NTM: variants seen among roughly 807,000 people sequenced by gnomAD.
The protein encoded by NTM is IgLON family member 2.
A neutral mutation model predicts 42.1 loss-of-function variants in NTM; 13 were observed. The ratio of observed to expected loss-of-function variants is 0.31; its 90% CI spans 0.20 to 0.49. The LOEUF is 0.49. NTM is among the 20% of genes least tolerant of loss of function. The probability of loss-of-function intolerance (pLI) is 0.99; values close to 1 mark genes in which losing one functional copy is unlikely to be tolerated. For synonymous variants in NTM, 187 were observed against 179.2 expected (o/e 1.04, Z -0.35); for missense variants, 373 against 452.8 (o/e 0.82, Z 1.60).
At chr11:132,297,255 C>T (rs2094647273) in intron 4 of NTM, among the ~76,000 whole-genome samples, 1 of 152,198 alleles carries the variant, frequency 6.6e-6, no homozygotes, top group African/African-American at 2.4e-5. Context: ...AGATTTGACC[C>T]CACCCCAGGT....
At chr11:132,283,274 C>T (rs61009836) in intron 4 of NTM, among the ~76,000 whole-genome samples, 16,857 of 152,068 alleles carry the variant, frequency 0.11, 1,172 homozygotes, top group African/African-American at 0.2. Flanking sequence ...CATGAGCCAC[C>T]GCTCCGGGTC....
At chr11:131,791,079 A>G (rs2090862391) in intron 1 of NTM, among the ~76,000 whole-genome samples, 1 of 152,216 alleles carries the variant, frequency 6.6e-6, no homozygotes, top group Non-Finnish European at 1.5e-5. Flanking sequence ...TGCGGTGCCT[A>G]TGTGTACAAG....
intron 1 of NTM, among the ~76,000 whole-genome samples, chr11:131,508,898 G>C (rs898674616): frequency 7.0e-6 from 1 of 143,482 alleles, no homozygotes; most frequent in Admixed American, 7.0e-5. Context: ...GGTTGGGGGA[G>C]GGGGGAGGGA....
At chr11:132,317,199 C>A (rs541028294) in intron 7 of NTM, among the ~76,000 whole-genome samples, 4 of 152,204 alleles carry the variant, frequency 2.6e-5, no homozygotes, top group Non-Finnish European at 4.4e-5. Flanking sequence ...TGCTCCCGCA[C>A]TCCTGAATCA....
At chr11:131,906,421 C>T (rs1277262209) in intron 1 of NTM, among the ~76,000 whole-genome samples, 2 of 152,116 alleles carry the variant, frequency 1.3e-5, no homozygotes, top group African/African-American at 4.8e-5. Flanking sequence ...ACTCCTCCTC[C>T]TTCCTGGGGC....
In NTM at chr11:131,941,728, C is replaced by T. The variant is rs373004270; in HGVS notation, c.167+30080C>T. Among the ~76,000 whole-genome samples, 81 of 152,288 alleles carry T rather than the reference C, an allele frequency of 5.3e-4. No individual in the cohort carries two copies. The South Asian group carries it at 0.015, about 28-fold the overall frequency. ...TAACACAGCTCAGTAAAAATGGACT[C>T]TTGTTATTATTGGGTAACAGATATT... is the stretch of plus-strand genomic sequence containing the variant. On this transcript the variant is annotated intron_variant, in intron 2 of 8. Coordinates refer to ENST00000683400, the MANE Select transcript of NTM (RefSeq NM_001352005.2).
At chr11:131,756,419 G>T (rs371226231) in intron 1 of NTM, among the ~76,000 whole-genome samples, 5 of 152,056 alleles carry the variant, frequency 3.3e-5, no homozygotes, top group East Asian at 1.9e-4. Context: ...CCTTGTCTGG[G>T]AGGCTGAGGC....
chr11:132,147,762 C>A (rs1322489578), intron 3 of NTM, among the ~76,000 whole-genome samples: 1 of 152,104 alleles, frequency 6.6e-6, no homozygotes, highest in Admixed American at 6.5e-5. Flanking sequence ...CTCCTAGGGG[C>A]TCCTTCCACC....
intron 1 of NTM, among the ~76,000 whole-genome samples, chr11:131,762,178 G>T (rs1007057776): frequency 6.6e-6 from 1 of 152,232 alleles, no homozygotes; most frequent in African/African-American, 2.4e-5. Flanking sequence ...AGCGCCTCAG[G>T]AGCGCCCTCT....
At chr11:131,466,100 G>C (rs946335753) in intron 1 of NTM, among the ~76,000 whole-genome samples, 3 of 152,208 alleles carry the variant, frequency 2.0e-5, no homozygotes, top group African/African-American at 7.2e-5. Flanking sequence ...ATGTGAGCAG[G>C]TGCGTGATCT....
chr11:131,548,714 T>C (rs1335132151), intron 1 of NTM, among the ~76,000 whole-genome samples: 1 of 152,164 alleles, frequency 6.6e-6, no homozygotes, highest in Non-Finnish European at 1.5e-5. Flanking sequence ...ATGTGATATC[T>C]ATCAAATGCA....
At chr11:131,661,620 G>A (rs903883697) in intron 1 of NTM, among the ~76,000 whole-genome samples, 2 of 152,180 alleles carry the variant, frequency 1.3e-5, no homozygotes, top group African/African-American at 4.8e-5. Flanking sequence ...TTCTAAAAGA[G>A]CTGGGGGCTG....
At chr11:131,498,613 C>A (rs577299297) in intron 1 of NTM, among the ~76,000 whole-genome samples, 1 of 152,220 alleles carries the variant, frequency 6.6e-6, no homozygotes, top group Non-Finnish European at 1.5e-5. Flanking sequence ...GATCTTGTTT[C>A]ATTAAAAATG....
chr11:131,711,521 A>T (rs1388384712), intron 1 of NTM, among the ~76,000 whole-genome samples: 1 of 152,244 alleles, frequency 6.6e-6, no homozygotes, highest in Non-Finnish European at 1.5e-5. Context: ...GAACACTTTT[A>T]CACTGTTGGT....
intron 1 of NTM, among the ~76,000 whole-genome samples, chr11:131,457,012 G>A (rs1051411381): frequency 6.6e-6 from 1 of 152,168 alleles, no homozygotes; most frequent in Non-Finnish European, 1.5e-5. Context: ...GGGGTGCAAT[G>A]TTTATTTCAG....
intron 1 of NTM, among the ~76,000 whole-genome samples, chr11:131,498,250 G>A (rs1955558568): frequency 6.6e-6 from 1 of 152,132 alleles, no homozygotes; most frequent in Non-Finnish European, 1.5e-5. Context: ...CCACGTACTG[G>A]TAATGGGACT....
intron 2 of NTM, among the ~76,000 whole-genome samples, chr11:132,054,125 G>A (rs533801705): frequency 1.9e-4 from 29 of 152,358 alleles, no homozygotes; most frequent in Admixed American, 9.1e-4. Context: ...TGAGGCAGGA[G>A]AATCACTTGA....
At chr11:131,379,331 G>A (rs969406899) in intron 1 of NTM, among the ~76,000 whole-genome samples, 4 of 152,184 alleles carry the variant, frequency 2.6e-5, no homozygotes, top group African/African-American at 9.7e-5. Context: ...GAAGACAGGA[G>A]GATGGGAAGA....
chr11:132,310,336 C>T, intron 6 of NTM, 104 bp downstream of exon 6: 6 of 1,193,380 alleles, frequency 5.0e-6, no homozygotes, highest in Non-Finnish European at 6.9e-6. Context: ...ATAAAATCCT[C>T]TTCTGAACTT....
Sources: gnomAD v4.1 joint callset for allele counts (sites outside exome capture counted in the v4.1 genomes callset) on GRCh38, gnomAD v4.1.1 for gene constraint, MANE v1.5 for transcripts, NCBI Gene and HGNC (gene_info 2026-07-23, HGNC 2026-07-21) for gene names.